Variants in DIP2C observed in about 807,000 individuals in gnomAD.
DIP2C encodes the protein DIP2 acetate--CoA ligase C (putative).
A neutral mutation model predicts 192.4 loss-of-function variants in DIP2C; 33 were observed. That is an observed-to-expected ratio of 0.17 (90% CI 0.13 to 0.23). The LOEUF (loss-of-function observed/expected upper bound fraction) is 0.23. Among genes scored for constraint, DIP2C ranks in the 10% least tolerant of loss-of-function variants. The probability of loss-of-function intolerance (pLI) is 1.00; values close to 1 mark genes in which losing one functional copy is unlikely to be tolerated. For missense variants in DIP2C, 1,537 were observed against 2,110.1 expected, an observed-to-expected ratio of 0.73 and a Z score of 5.32; for synonymous variants, 979 against 864.1, an observed-to-expected ratio of 1.13 and a Z score of -2.33.
At position 669,720 on chromosome 10, in the gene DIP2C, T is replaced by C. The variant is rs148173659; in HGVS notation, c.85+19774A>G. 198 of 152,234 alleles carry C rather than the reference T, an allele frequency of 1.3e-3. 1 individual carries two copies. The highest frequency in any genetic ancestry group is 4.3e-3 in the African/African-American group (180 of 41,530). 9.4% of individuals were successfully genotyped at this position (152,234 alleles called of 1,614,324 possible). On this transcript the variant is annotated intron_variant, in intron 1 of 36. Coordinates refer to ENST00000280886, the MANE Select transcript of DIP2C (RefSeq NM_014974.3). Reference sequence around the variant, plus strand: ...CACCAGCTAGGGTAAGACCGAGTGGTTTTCAGAGCTTCCAGAACAGCAGAA... The same window carrying C: ...CACCAGCTAGGGTAAGACCGAGTGGCTTTCAGAGCTTCCAGAACAGCAGAA...
chr10:487,856 G>A (rs545803894), intron 1 of DIP2C, among the ~76,000 whole-genome samples: 7 of 152,234 alleles, frequency 4.6e-5, no homozygotes, highest in Admixed American at 6.5e-5. Flanking sequence ...GATTACAGGC[G>A]TGAGCCACCG....
At chr10:545,166 C>CCCTTTTTTTTTTTTTTTT (rs1554896881) in intron 1 of DIP2C, among the ~76,000 whole-genome samples, 2 of 86,336 alleles carry the variant, frequency 2.3e-5, no homozygotes, top group African/African-American at 5.7e-5. Flanking sequence ...GGTGTTTTCC[C>CCCTTTTTTTTTTTTTTTT]TTTTTTTTTT....
At chr10:610,958 C>G (rs894940097) in intron 1 of DIP2C, among the ~76,000 whole-genome samples, 1 of 148,844 alleles carries the variant, frequency 6.7e-6, no homozygotes, top group East Asian at 2.0e-4. Context: ...GGAGGTGGGC[C>G]CTGGTGGGAG....
intron 1 of DIP2C, among the ~76,000 whole-genome samples, chr10:596,875 G>C (rs1588555171): frequency 6.6e-6 from 1 of 152,242 alleles, no homozygotes; most frequent in Non-Finnish European, 1.5e-5. Context: ...GAGCTTTCAA[G>C]CTCACCAAGG....
At chr10:424,382 T>TTTTTTTTTTTTTG (rs1388302720) in intron 4 of DIP2C, among the ~76,000 whole-genome samples, 2 of 101,362 alleles carry the variant, frequency 2.0e-5, no homozygotes, top group African/African-American at 4.3e-5. Context: ...TTTTTTTTTT[T>TTTTTTTTTTTTTG]TGAGACAGAG....
At chr10:634,741 G>C (rs1854734956) in intron 1 of DIP2C, among the ~76,000 whole-genome samples, 1 of 150,096 alleles carries the variant, frequency 6.7e-6, no homozygotes, top group African/African-American at 2.5e-5. Context: ...AAAAGAACGA[G>C]ACTCCATCTC....
chr10:360,002 G>A lies in DIP2C; in HGVS notation c.2795-2065C>T, dbSNP rs369635858. 3.3e-4 allele frequency among the ~76,000 whole-genome samples: 50 copies of A among 152,322 alleles called. No homozygotes were observed. The South Asian group carries it at 7.9e-3, about 24-fold the overall frequency. ...TTCTAAGAAGTCAACTTGGAAACTG[G>A]CCTAAATGGGTTCCAAGGTTTCCCG... On this transcript the variant is annotated intron_variant, in intron 22 of 36. Coordinates refer to ENST00000280886, the MANE Select transcript of DIP2C (RefSeq NM_014974.3).
intron 1 of DIP2C, among the ~76,000 whole-genome samples, chr10:567,637 GAA>G (rs1849530687): frequency 6.6e-6 from 1 of 152,186 alleles, no homozygotes; most frequent in Non-Finnish European, 1.5e-5. Flanking sequence ...GCATGACATA[GAA>G]AAGTTTGGTT....
At chr10:549,753 C>T (rs1364726109) in intron 1 of DIP2C, among the ~76,000 whole-genome samples, 1 of 152,146 alleles carries the variant, frequency 6.6e-6, no homozygotes, top group African/African-American at 2.4e-5. Flanking sequence ...CCTGAAAGCT[C>T]GCAGCAAGTC....
At chr10:287,126 A>G (rs1455182545) in intron 33 of DIP2C, among the ~76,000 whole-genome samples, 1 of 151,602 alleles carries the variant, frequency 6.6e-6, no homozygotes, top group Non-Finnish European at 1.5e-5. Context: ...TTTTTGAGAC[A>G]GGGTCTAGTT....
intron 1 of DIP2C, among the ~76,000 whole-genome samples, chr10:497,350 A>C (rs530424053): frequency 6.6e-6 from 1 of 152,302 alleles, no homozygotes; most frequent in Admixed American, 6.5e-5. Flanking sequence ...TGCACCTTGG[A>C]AATTTTTAAC....
At chr10:542,894 G>C (rs1848082680) in intron 1 of DIP2C, among the ~76,000 whole-genome samples, 1 of 152,012 alleles carries the variant, frequency 6.6e-6, no homozygotes. Context: ...GGGGAGTGGG[G>C]GGTTCTGACC....
At chr10:317,105 C>A (rs1461150674) in intron 31 of DIP2C, among the ~76,000 whole-genome samples, 2 of 152,166 alleles carry the variant, frequency 1.3e-5, no homozygotes, top group African/African-American at 4.8e-5. Flanking sequence ...GCAAAAATCA[C>A]ATTGAGCTTG....
intron 18 of DIP2C, 105 bp downstream of exon 18, chr10:369,389 G>A: frequency 8.6e-6 from 12 of 1,392,766 alleles, no homozygotes; most frequent in Non-Finnish European, 1.1e-5. Context: ...CAGCCTGAGG[G>A]CACACCACGG....
intron 1 of DIP2C, among the ~76,000 whole-genome samples, chr10:573,512 G>A (rs755819170): frequency 3.9e-5 from 6 of 152,040 alleles, no homozygotes; most frequent in Non-Finnish European, 7.4e-5. Flanking sequence ...AGGCTCAAGC[G>A]ATTCTCTTAC....
intron 1 of DIP2C, among the ~76,000 whole-genome samples, chr10:675,493 G>GT (rs1203141734): frequency 3.3e-5 from 5 of 151,100 alleles, no homozygotes; most frequent in South Asian, 2.1e-4. Context: ...AAAAATGTTG[G>GT]TTTTTTGAAA....
intron 1 of DIP2C, among the ~76,000 whole-genome samples, chr10:655,856 TAC>T (rs1392033695): frequency 3.9e-5 from 6 of 151,982 alleles, no homozygotes; most frequent in South Asian, 2.1e-4. Flanking sequence ...TATATAATGT[TAC>T]AGTTTCTTCT....
At chr10:474,528 A>G in intron 2 of DIP2C, among the ~76,000 whole-genome samples, 1 of 150,640 alleles carries the variant, frequency 6.6e-6, no homozygotes, top group Non-Finnish European at 1.5e-5. Flanking sequence ...CAAACGTGCT[A>G]CCGTCACTGG....
intron 3 of DIP2C, among the ~76,000 whole-genome samples, chr10:468,428 T>TG (rs1325163848): frequency 4.6e-5 from 7 of 152,152 alleles, no homozygotes; most frequent in African/African-American, 1.7e-4. Context: ...GCAAAGGTCA[T>TG]GGGGTGCGCT....
Sources: allele counts gnomAD v4.1 joint callset (sites outside exome capture counted in the v4.1 genomes callset), GRCh38; gene constraint gnomAD v4.1.1; transcripts MANE v1.5; gene names NCBI Gene and HGNC (gene_info 2026-07-23, HGNC 2026-07-21).